PTPRO: variants seen among roughly 807,000 people sequenced by gnomAD.
The protein encoded by PTPRO is protein tyrosine phosphatase receptor type O.
In PTPRO, 62 loss-of-function variants were observed where a neutral mutation model predicts 145.2. That is an observed-to-expected ratio of 0.43 (90% CI 0.35 to 0.53). PTPRO has a LOEUF of 0.53. PTPRO is among the 20% of genes least tolerant of loss of function. The pLI is 0.01. For missense variants in PTPRO, 1,345 were observed against 1,482.7 expected (o/e 0.91, Z 1.53); for synonymous variants, 565 against 514.7 (o/e 1.10, Z -1.32).
intron 18 of PTPRO, among the ~76,000 whole-genome samples, chr12:15,566,669 C>T (rs756856630): frequency 1.3e-5 from 2 of 152,044 alleles, no homozygotes; most frequent in African/African-American, 2.4e-5. Flanking sequence ...TACAGGCACA[C>T]GCCACCATGC....
rs61908050 is a variant in PTPRO, at chr12:15,481,426, A to G, written c.76-2548A>G. Among the ~76,000 whole-genome samples, 222 of 152,304 alleles carry G rather than the reference A, an allele frequency of 1.5e-3. 1 individual carries two copies. Among genetic ancestry groups the G allele is most frequent in the Middle Eastern group, 3.4e-3 (1 of 294 alleles). On this transcript the variant is annotated intron_variant, in intron 1 of 26. Coordinates refer to ENST00000281171, the MANE Select transcript of PTPRO (RefSeq NM_030667.3). ...TCCCTAGAACTTAAGTGTCAAAATGACTTTCATTCATTAATTGACTCCTTC... is the reference window on the plus strand; with the variant it reads ...TCCCTAGAACTTAAGTGTCAAAATGGCTTTCATTCATTAATTGACTCCTTC...
At chr12:15,515,661 G>C (rs759144420) in intron 8 of PTPRO, 43 bp downstream of exon 8, 3 of 1,612,184 alleles carry the variant, frequency 1.9e-6, no homozygotes, top group South Asian at 1.1e-5. Flanking sequence ...CTATATATTA[G>C]GGTATTGACG....
Position 15,497,340 on chromosome 12 carries a change from G to A in PTPRO, c.445G>A (p.Val149Ile), listed in dbSNP as rs755573133. Residue 149 changes from valine (V) to isoleucine (I), a missense_variant, in exon 3 of 27, where the codon GTT (valine) becomes ATT (isoleucine). Physicochemically the swap from Val to Ile is conservative, Grantham distance 29. Coordinates refer to ENST00000281171, the MANE Select transcript of PTPRO (RefSeq NM_030667.3). ...AATACATTATCCAGAAAAATATAAC[G>A]TTTTCACAAGAGTGAACATTAGCTA... ...FEIHYPEKYN[V>I]FTRVNISYWE... The A allele has an allele frequency of 6.8e-6, 11 of 1,611,320 alleles. No individual in the cohort carries two copies. Among genetic ancestry groups the A allele is most frequent in the Admixed American group, 5.0e-5 (3 of 59,968 alleles).
At chr12:15,540,825 G>A (rs925283081) in intron 12 of PTPRO, among the ~76,000 whole-genome samples, 2 of 152,202 alleles carry the variant, frequency 1.3e-5, no homozygotes, top group East Asian at 1.9e-4. Flanking sequence ...TTAAATGGTA[G>A]AGATGGCCTT....
chr12:15,579,459 G>T (rs943226364), intron 20 of PTPRO, among the ~76,000 whole-genome samples: 1 of 152,224 alleles, frequency 6.6e-6, no homozygotes, highest in Non-Finnish European at 1.5e-5. Context: ...GCTACACGCT[G>T]TGGAGCTAGG....
intron 1 of PTPRO, among the ~76,000 whole-genome samples, chr12:15,359,434 T>TC: frequency 1.4e-5 from 2 of 146,148 alleles, no homozygotes; most frequent in Admixed American, 6.8e-5. Flanking sequence ...TTTTTTTTTT[T>TC]TTTTTTTTGA....
At chr12:15,395,653 A>C (rs1267975184) in intron 1 of PTPRO, among the ~76,000 whole-genome samples, 2 of 152,172 alleles carry the variant, frequency 1.3e-5, no homozygotes, top group African/African-American at 4.8e-5. Context: ...AAAACTATTA[A>C]ATTCTAGACT....
At chr12:15,371,521 C>G (rs1446972717) in intron 1 of PTPRO, among the ~76,000 whole-genome samples, 1 of 152,168 alleles carries the variant, frequency 6.6e-6, no homozygotes, top group East Asian at 1.9e-4. Context: ...GCATGAGCCA[C>G]CACACCCAGC....
At chr12:15,341,259 C>G (rs1317864860) in intron 1 of PTPRO, among the ~76,000 whole-genome samples, 1 of 151,940 alleles carries the variant, frequency 6.6e-6, no homozygotes, top group Admixed American at 6.6e-5. Flanking sequence ...TTTAGTTTGT[C>G]CATGAGATAT....
intron 12 of PTPRO, among the ~76,000 whole-genome samples, chr12:15,535,095 C>T (rs1037884261): frequency 9.2e-5 from 14 of 152,094 alleles, no homozygotes; most frequent in African/African-American, 3.4e-4. Flanking sequence ...AATGGTGGCG[C>T]AATTCACTGA....
At chr12:15,449,158 G>A (rs879373730) in intron 1 of PTPRO, among the ~76,000 whole-genome samples, 4 of 151,320 alleles carry the variant, frequency 2.6e-5, no homozygotes, top group Non-Finnish European at 5.9e-5. Context: ...ACAGAAATCA[G>A]CAGTAAGGTA....
chr12:15,526,181 C>G lies in PTPRO; in HGVS notation c.2083C>G (p.Pro695Ala). 2.5e-6 allele frequency: 4 copies of G among 1,613,904 alleles called. No homozygotes were observed. Among genetic ancestry groups the G allele is most frequent in the Non-Finnish European group, 3.4e-6 (4 of 1,179,898 alleles). ...CATGACTGCAATTCTCAGCTTGCCTCCAGGCGACATCTATAACCTCTCAGT... is the reference window on the plus strand; with the variant it reads ...CATGACTGCAATTCTCAGCTTGCCTGCAGGCGACATCTATAACCTCTCAGT... ...NVMTAILSLP[P>A]GDIYNLSVTA... Residue 695 changes from proline to alanine, a missense_variant, in exon 12 of 27, where the codon CCA becomes GCA. Transcript: ENST00000281171.
intron 7 of PTPRO, among the ~76,000 whole-genome samples, chr12:15,508,968 G>A (rs1020395139): frequency 2.6e-5 from 4 of 152,216 alleles, no homozygotes; most frequent in African/African-American, 9.6e-5. Flanking sequence ...TTTCTCTTCA[G>A]AGGAGGGTCA....
At chr12:15,470,987 A>C (rs1341525825) in intron 1 of PTPRO, among the ~76,000 whole-genome samples, 1 of 152,184 alleles carries the variant, frequency 6.6e-6, no homozygotes, top group Non-Finnish European at 1.5e-5. Flanking sequence ...GTCTGCTAAC[A>C]TTCCATCATT....
At chr12:15,366,522 TA>T (rs1319066242) in intron 1 of PTPRO, among the ~76,000 whole-genome samples, 2 of 152,192 alleles carry the variant, frequency 1.3e-5, no homozygotes, top group African/African-American at 4.8e-5. Flanking sequence ...TACCAACATT[TA>T]GTAAAATACC....
chr12:15,354,890 A>T (rs1937934340), intron 1 of PTPRO, among the ~76,000 whole-genome samples: 1 of 152,186 alleles, frequency 6.6e-6, no homozygotes, highest in Non-Finnish European at 1.5e-5. Flanking sequence ...GCACTGTTGT[A>T]TATTTTTACC....
At chr12:15,344,641 A>G (rs957239982) in intron 1 of PTPRO, among the ~76,000 whole-genome samples, 1 of 152,182 alleles carries the variant, frequency 6.6e-6, no homozygotes, top group Non-Finnish European at 1.5e-5. Flanking sequence ...AAAATAGTGT[A>G]TGGGAAAAAG....
At chr12:15,406,458 A>G (rs1415711870) in intron 1 of PTPRO, among the ~76,000 whole-genome samples, 1 of 152,188 alleles carries the variant, frequency 6.6e-6, no homozygotes, top group Non-Finnish European at 1.5e-5. Flanking sequence ...AGTCTTACAT[A>G]CAATAGTCAT....
intron 12 of PTPRO, chr12:15,546,288 A>G (rs1943286672): frequency 8.5e-7 from 1 of 1,182,924 alleles, no homozygotes; most frequent in Non-Finnish European, 1.1e-6. Flanking sequence ...AATGACACAG[A>G]AACTATTAAT....
Sources: gnomAD v4.1 joint callset for allele counts (sites outside exome capture counted in the v4.1 genomes callset) on GRCh38, gnomAD v4.1.1 for gene constraint, MANE v1.5 for transcripts, NCBI Gene and HGNC (gene_info 2026-07-23, HGNC 2026-07-21) for gene names.